CRYGA: variants seen among roughly 807,000 people sequenced by gnomAD.
CRYGA encodes crystallin gamma A, also known as gamma-crystallin A.
CRYGA carries 11 observed loss-of-function variants against 13.8 expected under a neutral mutation model. The ratio of observed to expected loss-of-function variants is 0.80; its 90% CI spans 0.50 to 1.32. The LOEUF is 1.32. Ranked by LOEUF, CRYGA falls within the 40% of genes most tolerant of loss-of-function variation. The pLI is 0.00. For synonymous variants in CRYGA, 97 were observed against 89.3 expected, an observed-to-expected ratio of 1.09 and a Z score of -0.48; for missense variants, 271 against 234.1, an observed-to-expected ratio of 1.16 and a Z score of -1.03.
In CRYGA at chr2:208,160,807, G is replaced by C. The variant is rs201368354; in HGVS notation, c.522C>G (p.Tyr174Ter). The C allele has an allele frequency of 2.1e-5, 33 of 1,599,486 alleles. No individual in the cohort carries two copies. In the East Asian group the frequency reaches 6.7e-4, roughly 32 times the overall value. The part of the protein sequence containing the change: ...VGSLRRVTDL[Y>*] ...ATCACAACAAGGCAGGCACAGCTTA[G>C]TACAAATCGGTGACCCGTCTCAAAG... Residue 174 changes from tyrosine (Y) to a stop codon, truncating the protein, a stop_gained, in exon 3 of 3, where the codon TAC becomes TAG. Transcript: ENST00000304502. LOFTEE classifies it high-confidence loss of function.
At chr2:208,163,522 A>G in intron 1 of CRYGA, 26 bp downstream of exon 1, 1 of 1,611,472 alleles carries the variant, frequency 6.2e-7, no homozygotes, top group Non-Finnish European at 8.5e-7. Flanking sequence ...CCCAATAGAC[A>G]TGGCACAGCA....
chr2:208,161,175 T>G, intron 2 of CRYGA, 99 bp from the exon 3 acceptor site: 1 of 1,180,902 alleles, frequency 8.5e-7, no homozygotes, highest in South Asian at 1.5e-5. Flanking sequence ...GAAGCATGGC[T>G]TTTATTTTAT....
chr2:208,162,139 G>T (rs534633358), intron 2 of CRYGA, among the ~76,000 whole-genome samples: 24 of 152,158 alleles, frequency 1.6e-4, no homozygotes, highest in Non-Finnish European at 2.4e-4. Flanking sequence ...GTTTCACCAT[G>T]TTGGCCAAGC....
At chr2:208,162,938 T>C (rs1695789968) in intron 2 of CRYGA, among the ~76,000 whole-genome samples, 1 of 151,332 alleles carries the variant, frequency 6.6e-6, no homozygotes, top group South Asian at 2.1e-4. Flanking sequence ...AGGTGACTTT[T>C]ATGTAGAAAT....
intron 2 of CRYGA, among the ~76,000 whole-genome samples, chr2:208,161,841 C>G (rs777681047): frequency 6.6e-6 from 1 of 152,178 alleles, no homozygotes; most frequent in Non-Finnish European, 1.5e-5. Flanking sequence ...TTTGCCAAGT[C>G]ACTTGTGCCA....
At chr2:208,161,164 T>C in intron 2 of CRYGA, 88 bp from the exon 3 acceptor site, 1 of 1,274,872 alleles carries the variant, frequency 7.8e-7, no homozygotes. Context: ...TGCATCTTCA[T>C]GAAGCATGGC....
chr2:208,160,935 C>T lies in CRYGA; in HGVS notation c.394G>A (p.Val132Ile). 1.2e-6 allele frequency: 2 copies of T among 1,613,882 alleles called. No individual in the cohort carries two copies. Among genetic ancestry groups the T allele is most frequent in the East Asian group, 2.2e-5 (1 of 44,852 alleles). Reference protein sequence around the residue: ...YSLHVLEGCWVLYEMPNYRGR... With the variant: ...YSLHVLEGCWILYEMPNYRGR... ...CGGTAGTTGGGCATTTCATAGAGGA[C>T]CCAGCAGCCCTCCAGTACGTGGAGG... Residue 132 changes from valine to isoleucine, a missense_variant, in exon 3 of 3, where the codon GTC (valine) becomes ATC (isoleucine). Transcript: ENST00000304502.
rs201413271 is a variant in CRYGA, at chr2:208,161,069, G to A, written c.260C>T (p.Ser87Leu). ...QSCRIIPHTS[S>L]HKLRLYERDD... is the part of the protein sequence containing the mutation. Reference sequence around the variant, plus strand: ...TCTCTCGTACAGCCTTAACTTGTGCGAGCTGGTCTGTCATGGCAATAAACA... The same window carrying A: ...TCTCTCGTACAGCCTTAACTTGTGCAAGCTGGTCTGTCATGGCAATAAACA... Residue 87 changes from serine (S) to leucine (L), a missense_variant, in exon 3 of 3, where the codon TCG (serine) becomes TTG (leucine). By Grantham distance (145) the Ser-to-Leu change is moderately radical. Coordinates refer to ENST00000304502, the MANE Select transcript of CRYGA (RefSeq NM_014617.4). 76 of 1,613,778 alleles carry A rather than the reference G, an allele frequency of 4.7e-5. No individual in the cohort carries two copies. Among genetic ancestry groups the A allele is most frequent in the African/African-American group, 8.0e-5 (6 of 74,910 alleles).
At position 208,160,896 on chromosome 2, in the gene CRYGA, G is replaced by C; in HGVS notation, c.433C>G (p.Leu145Val). The change falls in exon 3 of 3, where the codon CTG becomes GTG. Residue 145 changes from leucine to valine, a missense_variant. By Grantham distance (32) the Leu-to-Val change is conservative (BLOSUM62 1). Coordinates refer to ENST00000304502, the MANE Select transcript of CRYGA (RefSeq NM_014617.4). ...CTTCTGTAGTCCCCAGGCCTCAGCA[G>C]ATACTGCCGCCCCCGGTAGTTGGGC... ...EMPNYRGRQYLLRPGDYRRYH... is the reference protein window; with the variant it reads ...EMPNYRGRQYVLRPGDYRRYH... 6.2e-7 allele frequency: 1 copy of C among 1,613,084 alleles called. No individual in the cohort carries two copies. Among genetic ancestry groups the C allele is most frequent in the Non-Finnish European group, 8.5e-7 (1 of 1,179,128 alleles).
At position 208,161,208 on chromosome 2, in the gene CRYGA, T is replaced by C. The variant is rs74552269; in HGVS notation, c.253-132A>G. On this transcript the variant is annotated intron_variant, in intron 2 of 2. Transcript: ENST00000304502. ...TATTTTTGAGATAAAGGTCTTGCTG[T>C]GTTGCCCAGGCTGGAGTACAGTGGC... is the stretch of plus-strand genomic sequence containing the variant. 1,860 of 912,110 alleles carry C rather than the reference T, an allele frequency of 2.0e-3. 25 individuals are homozygous for C. In the African/African-American group the frequency reaches 0.025, roughly 12 times the overall value. 56.5% of individuals were successfully genotyped at this position (912,110 alleles called of 1,614,324 possible). A position where few individuals can be genotyped will look rare whatever the true frequency, so the allele number is the denominator to read the frequency against.
chr2:208,161,551 C>A (rs186579117), intron 2 of CRYGA, among the ~76,000 whole-genome samples: 1 of 152,148 alleles, frequency 6.6e-6, no homozygotes, highest in African/African-American at 2.4e-5. Context: ...GTTATTCTAA[C>A]AAATTAGGGA....
In CRYGA at chr2:208,160,906, C is replaced by A. The variant is rs773791564; in HGVS notation, c.423G>T (p.Gly141=). 6.2e-7 allele frequency: 1 copy of A among 1,612,018 alleles called. No individual in the cohort carries two copies. Among genetic ancestry groups the A allele is most frequent in the Non-Finnish European group, 8.5e-7 (1 of 1,178,340 alleles). The change falls in exon 3 of 3, where the codon GGG becomes GGT. Residue 141 remains glycine (G), a synonymous_variant. Coordinates refer to ENST00000304502, the MANE Select transcript of CRYGA (RefSeq NM_014617.4). ...WVLYEMPNYR[G]RQYLLRPGDY... ...CCCCAGGCCTCAGCAGATACTGCCG[C>A]CCCCGGTAGTTGGGCATTTCATAGA...
intron 2 of CRYGA, among the ~76,000 whole-genome samples, chr2:208,161,829 A>G (rs1386152442): frequency 6.6e-6 from 1 of 152,162 alleles, no homozygotes; most frequent in African/African-American, 2.4e-5. Flanking sequence ...TTCAAGTGAC[A>G]TTTTGCCAAG....
chr2:208,163,526 C>G, intron 1 of CRYGA, 22 bp downstream of exon 1: 1 of 1,611,302 alleles, frequency 6.2e-7, no homozygotes, highest in Non-Finnish European at 8.5e-7. Flanking sequence ...ATAGACATGG[C>G]ACAGCACCTC....
At chr2:208,163,508 G>A (rs1275631916) in intron 1 of CRYGA, 40 bp downstream of exon 1, 1 of 1,611,936 alleles carries the variant, frequency 6.2e-7, no homozygotes, top group Admixed American at 1.7e-5. Flanking sequence ...ACACACCACA[G>A]ACCCCCAATA....
chr2:208,161,019 C>G lies in CRYGA; in HGVS notation c.310G>C (p.Glu104Gln). The change falls in exon 3 of 3, where the codon GAG becomes CAG. Residue 104 changes from glutamate to glutamine, a missense_variant. Transcript: ENST00000304502. Reference protein sequence around the residue: ...ERDDYRGLMSELTDDCACVPE... With the variant: ...ERDDYRGLMSQLTDDCACVPE... ...ACACAGGCGCAGTCATCAGTGAGCT[C>G]AGACATAAGGCCTCGGTAGTCATCT... 6.2e-7 allele frequency: 1 copy of G among 1,614,048 alleles called. No individual in the cohort carries two copies. Among genetic ancestry groups the G allele is most frequent in the South Asian group, 1.1e-5 (1 of 91,084 alleles).
At chr2:208,162,845 CA>C (rs200926418) in intron 2 of CRYGA, among the ~76,000 whole-genome samples, 34 of 142,212 alleles carry the variant, frequency 2.4e-4, no homozygotes, top group South Asian at 1.1e-3. Context: ...AGTTCTGTCT[CA>C]AAAAAAAAAA....
Position 208,160,878 on chromosome 2 carries a change from A to G in CRYGA, c.451T>C (p.Tyr151His). 6.2e-7 allele frequency: 1 copy of G among 1,612,004 alleles called. No individual in the cohort carries two copies. Among genetic ancestry groups the G allele is most frequent in the Non-Finnish European group, 8.5e-7 (1 of 1,178,180 alleles). Reference protein sequence around the residue: ...GRQYLLRPGDYRRYHDWGGAD... With the variant: ...GRQYLLRPGDHRRYHDWGGAD... ...CCCCCCCAGTCGTGGTACCTTCTGT[A>G]GTCCCCAGGCCTCAGCAGATACTGC... is the stretch of plus-strand genomic sequence containing the variant. The change falls in exon 3 of 3, where the codon TAC (tyrosine) becomes CAC (histidine). Residue 151 changes from tyrosine to histidine, a missense_variant. Physicochemically the swap from Tyr to His is moderately conservative, Grantham distance 83. Coordinates refer to ENST00000304502, the MANE Select transcript of CRYGA (RefSeq NM_014617.4).
Position 208,163,214 on chromosome 2 carries a change from A to C in CRYGA, c.242T>G (p.Ile81Arg), listed in dbSNP as rs1695795509. Residue 81 changes from isoleucine to arginine, a missense_variant, in exon 2 of 3, where the codon ATA becomes AGA. Physicochemically the swap from Ile to Arg is moderately conservative, Grantham distance 97 (BLOSUM62 -3). Transcript: ENST00000304502. ...TGAAGCAAGACTCACATGAGGAATT[A>C]TACGGCAGGATTGGACCGAGTCGCT... ...GLSDSVQSCR[I>R]IPHTSSHKLR... 1 of 1,613,210 alleles carries C rather than the reference A, an allele frequency of 6.2e-7. No individual in the cohort carries two copies. Among genetic ancestry groups the C allele is most frequent in the East Asian group, 2.2e-5 (1 of 44,840 alleles).
Sources: allele counts gnomAD v4.1 joint callset (sites outside exome capture counted in the v4.1 genomes callset), GRCh38; gene constraint gnomAD v4.1.1; transcripts MANE v1.5; gene names NCBI Gene and HGNC (gene_info 2026-07-23, HGNC 2026-07-21).